The following FAM174B variants were observed in gnomAD, a reference collection of about 807,000 sequenced individuals.
FAM174B encodes family with sequence similarity 174 member B.
FAM174B carries 12 observed loss-of-function variants against 10.9 expected under a neutral mutation model. That is an observed-to-expected ratio of 1.10 (90% confidence interval 0.71 to 1.79). The LOEUF (loss-of-function observed/expected upper bound fraction) is 1.79. Ranked by LOEUF, FAM174B falls within the 40% of genes most tolerant of loss-of-function variation. FAM174B has a pLI of 0.00. For synonymous variants in FAM174B, 132 were observed against 115.8 expected, an observed-to-expected ratio of 1.14 and a Z score of -0.90; for missense variants, 266 against 233.3, an observed-to-expected ratio of 1.14 and a Z score of -0.91.
intron 1 of FAM174B, among the ~76,000 whole-genome samples, chr15:92,631,916 C>T (rs2050821828): frequency 6.6e-6 from 1 of 152,182 alleles, no homozygotes; most frequent in Non-Finnish European, 1.5e-5. Context: ...GCCCTATAGG[C>T]CAGCCACGGG....
intron 1 of FAM174B, 116 bp downstream of exon 1, chr15:92,655,200 T>C (rs2050993442): frequency 1.5e-6 from 2 of 1,378,476 alleles, no homozygotes; most frequent in Non-Finnish European, 9.4e-7. Flanking sequence ...GGCACACGGC[T>C]GGCTGGGGCG....
chr15:92,655,249 G>T, intron 1 of FAM174B, 67 bp downstream of exon 1: 1 of 1,443,274 alleles, frequency 6.9e-7, no homozygotes, highest in Non-Finnish European at 9.1e-7. Context: ...GCGGGCGCGC[G>T]GCGACAGCAG....
intron 2 of FAM174B, among the ~76,000 whole-genome samples, chr15:92,623,538 A>C (rs977415265): frequency 2.0e-5 from 3 of 152,210 alleles, no homozygotes; most frequent in Non-Finnish European, 4.4e-5. Flanking sequence ...CCACACGAGG[A>C]GAGTGACATG....
In FAM174B at chr15:92,655,566, C is replaced by G. The variant is rs945038324; in HGVS notation, c.94G>C (p.Val32Leu). 1.5e-6 allele frequency: 2 copies of G among 1,376,330 alleles called. No individual in the cohort carries two copies. 85.3% of individuals were successfully genotyped at this position (1,376,330 alleles called of 1,614,324 possible). The change falls in exon 1 of 3, where the codon GTC becomes CTC. Residue 32 changes from valine (V) to leucine (L), a missense_variant. Coordinates refer to ENST00000327355, the MANE Select transcript of FAM174B (RefSeq NM_207446.3). ...PAARASRAESVSAPWPEPERE... is the reference protein window; with the variant it reads ...PAARASRAESLSAPWPEPERE... ...TCGGGTTCGGGCCACGGCGCGGAGA[C>G]GGACTCGGCTCTGCTGGCGCGGGCG... is the stretch of plus-strand genomic sequence containing the variant.
intron 1 of FAM174B, chr15:92,655,078 T>C (rs750763029): frequency 5.1e-6 from 2 of 393,276 alleles, no homozygotes; most frequent in Non-Finnish European, 8.6e-6. Flanking sequence ...GAACCACATA[T>C]TTATTTTATA....
chr15:92,651,856 T>C (rs1295227895), intron 1 of FAM174B, among the ~76,000 whole-genome samples: 1 of 62,702 alleles, frequency 1.6e-5, no homozygotes, highest in East Asian at 2.8e-3. Context: ...TACATCTTTT[T>C]CATTAAAAGA....
At position 92,618,688 on chromosome 15, in the gene FAM174B, T is replaced by A; in HGVS notation, c.*768A>T. 1 of 154,016 alleles carries A rather than the reference T, an allele frequency of 6.5e-6. No homozygotes were observed. The highest frequency in any genetic ancestry group is 1.9e-4 in the East Asian group (1 of 5,222). 9.5% of individuals were successfully genotyped at this position (154,016 alleles called of 1,614,324 possible). Reference sequence around the variant, plus strand: ...AGGCTGCCTAGCACTTTCCTTTCCCTTCAGAGAAGGAGAAACTGTTTTATA... The same window carrying A: ...AGGCTGCCTAGCACTTTCCTTTCCCATCAGAGAAGGAGAAACTGTTTTATA... On this transcript the variant is annotated 3_prime_UTR_variant, in exon 3 of 3. Transcript: ENST00000327355.
Position 92,618,976 on chromosome 15 carries a change from C to CA in FAM174B, c.*479dup, listed in dbSNP as rs11421985. On this transcript the variant is annotated 3_prime_UTR_variant, in exon 3 of 3. Transcript: ENST00000327355. ...AAATGAGGCCAGGACCTGACCAAGC[C>CA]AAAAAAGCAGCAAAGGATCAGATGG... 4,396 of 585,512 alleles carry CA rather than the reference C, an allele frequency of 7.5e-3. 156 individuals carry two copies. Among genetic ancestry groups the CA allele is most frequent in the African/African-American group, 0.074 (3,976 of 53,612 alleles). The allele number at this position is 585,512 out of a possible 1,614,324, so 36.3% of individuals were successfully genotyped here. A position where few individuals can be genotyped will look rare whatever the true frequency, so the allele number is the denominator to read the frequency against.
chr15:92,623,547 T>A lies in FAM174B; in HGVS notation c.477-4088A>T, dbSNP rs143230240. Reference sequence around the variant, plus strand: ...ACCATCCCACACGAGGAGAGTGACATGTCCCAACTTGCTTCTGGCCCATGT... The same window carrying A: ...ACCATCCCACACGAGGAGAGTGACAAGTCCCAACTTGCTTCTGGCCCATGT... On this transcript the variant is annotated intron_variant, in intron 2 of 2. Transcript: ENST00000327355. Among the ~76,000 whole-genome samples the A allele has an allele frequency of 6.8e-3, 1,039 of 152,264 alleles. 10 individuals are homozygous for A. The highest frequency in any genetic ancestry group is 0.023 in the African/African-American group (947 of 41,526).
chr15:92,626,162 G>A (rs1392421300), intron 2 of FAM174B, among the ~76,000 whole-genome samples: 6 of 133,924 alleles, frequency 4.5e-5, no homozygotes, highest in African/African-American at 3.1e-5. Flanking sequence ...GCACTGGCGC[G>A]ATCTTGGCTC....
intron 2 of FAM174B, among the ~76,000 whole-genome samples, chr15:92,627,776 G>GC (rs1326655361): frequency 2.6e-5 from 4 of 152,184 alleles, no homozygotes; most frequent in Non-Finnish European, 4.4e-5. Context: ...AATATTCCCA[G>GC]CCGTGCAGGA....
intron 1 of FAM174B, among the ~76,000 whole-genome samples, chr15:92,653,844 G>C (rs577297460): frequency 2.6e-5 from 4 of 152,266 alleles, no homozygotes; most frequent in Non-Finnish European, 5.9e-5. Context: ...AGCGCTGGTT[G>C]ATGTCTGCGT....
chr15:92,644,079 C>G (rs892263483), intron 1 of FAM174B, among the ~76,000 whole-genome samples: 5 of 152,070 alleles, frequency 3.3e-5, no homozygotes, highest in Non-Finnish European at 5.9e-5. Context: ...TAAGAAGTAA[C>G]AGAGCTTCCC....
At chr15:92,636,820 G>A (rs913081182) in intron 1 of FAM174B, among the ~76,000 whole-genome samples, 3 of 152,094 alleles carry the variant, frequency 2.0e-5, no homozygotes, top group Non-Finnish European at 2.9e-5. Flanking sequence ...CCCACTCCAC[G>A]CCTCACCGGA....
chr15:92,621,019 A>C (rs1383749428), intron 2 of FAM174B, among the ~76,000 whole-genome samples: 1 of 152,230 alleles, frequency 6.6e-6, no homozygotes, highest in Non-Finnish European at 1.5e-5. Context: ...AATATTACAT[A>C]ATACCAAATA....
intron 2 of FAM174B, chr15:92,619,686 A>C (rs1184251560): frequency 6.4e-5 from 38 of 595,214 alleles, no homozygotes; most frequent in South Asian, 1.9e-4. Flanking sequence ...AGCTCCCCAC[A>C]CAGACTCCCT....
chr15:92,648,463 C>T (rs59369781), intron 1 of FAM174B, among the ~76,000 whole-genome samples: 2 of 152,292 alleles, frequency 1.3e-5, no homozygotes, highest in East Asian at 3.9e-4. Flanking sequence ...GTGCTGGGTT[C>T]AGTGTTGGGG....
chr15:92,636,984 G>A (rs774107074), intron 1 of FAM174B, among the ~76,000 whole-genome samples: 2 of 152,196 alleles, frequency 1.3e-5, no homozygotes, highest in Non-Finnish European at 2.9e-5. Flanking sequence ...TCCCTCAGGT[G>A]TGCTGGTTTG....
intron 2 of FAM174B, among the ~76,000 whole-genome samples, chr15:92,624,365 G>A (rs2050739564): frequency 1.3e-5 from 2 of 152,154 alleles, no homozygotes; most frequent in Non-Finnish European, 2.9e-5. Context: ...CTAACAGTTC[G>A]CCCTCAGAAG....
Sources: allele counts gnomAD v4.1 joint callset (sites outside exome capture counted in the v4.1 genomes callset), GRCh38; gene constraint gnomAD v4.1.1; transcripts MANE v1.5; gene names NCBI Gene and HGNC (gene_info 2026-07-23, HGNC 2026-07-21).